Variants in IL1RAPL1 observed in about 807,000 individuals in gnomAD.
The protein encoded by IL1RAPL1 is interleukin 1 receptor accessory protein like 1.
Under a neutral mutation model 48.4 loss-of-function variants are expected in IL1RAPL1, and 3 were observed. That is an observed-to-expected ratio of 0.06 (90% CI 0.03 to 0.16). The LOEUF (loss-of-function observed/expected upper bound fraction) is 0.16, where lower values mean the gene tolerates loss of function less well. Ranked by LOEUF, IL1RAPL1 falls within the 10% of genes least tolerant of loss-of-function variation. The probability of loss-of-function intolerance (pLI) is 1.00; values close to 1 mark genes in which losing one functional copy is unlikely to be tolerated. For synonymous variants in IL1RAPL1, 185 were observed against 187.7 expected (o/e 0.99, Z 0.12); for missense variants, 349 against 530.6 (o/e 0.66, Z 3.36).
At chrX:29,725,080 C>G (rs1158998056) in intron 6 of IL1RAPL1, among the ~76,000 whole-genome samples, 1 of 110,257 alleles carries the variant, frequency 9.1e-6, no homozygotes, top group African/African-American at 3.3e-5. Context: ...GTACTGGAGA[C>G]ACAGTTCGTT....
At chrX:28,907,159 G>T (rs1394127417) in intron 2 of IL1RAPL1, among the ~76,000 whole-genome samples, 1 of 111,627 alleles carries the variant, frequency 9.0e-6, no homozygotes, top group African/African-American at 3.3e-5. Context: ...GCTGGATTCT[G>T]CCAAGTCTTT....
At chrX:29,245,691 G>A (rs1376324907) in intron 2 of IL1RAPL1, among the ~76,000 whole-genome samples, 2 of 111,843 alleles carry the variant, frequency 1.8e-5, no homozygotes, top group Middle Eastern at 4.2e-3. Flanking sequence ...TTGTCAGATG[G>A]ATAGATTGCA....
chrX:29,802,872 T>C (rs190188982), intron 6 of IL1RAPL1, among the ~76,000 whole-genome samples: 10 of 89,863 alleles, frequency 1.1e-4, no homozygotes, highest in South Asian at 5.0e-4. Flanking sequence ...TACATATGTA[T>C]ACATATATGT....
chrX:29,396,787 A>G (rs1173024603), intron 4 of IL1RAPL1, among the ~76,000 whole-genome samples: 1 of 111,911 alleles, frequency 8.9e-6, no homozygotes, highest in Non-Finnish European at 1.9e-5. Flanking sequence ...TAGCATTTCA[A>G]AGTGTCCCCA....
chrX:29,364,357 G>A (rs1418801867), intron 3 of IL1RAPL1, among the ~76,000 whole-genome samples: 1 of 108,895 alleles, frequency 9.2e-6, no homozygotes, highest in East Asian at 2.9e-4. Flanking sequence ...CCAGGATTTC[G>A]AGACCAGCCT....
chrX:29,908,005 TAGAGAATA>T (rs1243230614), intron 6 of IL1RAPL1, among the ~76,000 whole-genome samples: 1 of 111,316 alleles, frequency 9.0e-6, no homozygotes, highest in Non-Finnish European at 1.9e-5. Context: ...CAGTGTCTCT[TAGAGAATA>T]AGATTAAAAA....
chrX:28,805,701 A>G (rs780927111), intron 2 of IL1RAPL1, among the ~76,000 whole-genome samples: 1 of 111,463 alleles, frequency 9.0e-6, no homozygotes, highest in African/African-American at 3.3e-5. Context: ...ACACACTTGT[A>G]TTGCAGCTTT....
intron 5 of IL1RAPL1, among the ~76,000 whole-genome samples, chrX:29,519,271 A>G (rs1161562903): frequency 9.0e-6 from 1 of 111,705 alleles, no homozygotes; most frequent in Non-Finnish European, 1.9e-5. Context: ...GGACCGTGCG[A>G]GAGGTCCAAA....
intron 2 of IL1RAPL1, among the ~76,000 whole-genome samples, chrX:29,201,251 A>G (rs1930548769): frequency 8.9e-6 from 1 of 111,746 alleles, no homozygotes; most frequent in Non-Finnish European, 1.9e-5. Flanking sequence ...TTAGCCAAAT[A>G]TTTGCATAGT....
At chrX:29,173,032 T>C (rs746472847) in intron 2 of IL1RAPL1, among the ~76,000 whole-genome samples, 9 of 111,306 alleles carry the variant, frequency 8.1e-5, no homozygotes, top group Non-Finnish European at 1.3e-4. Context: ...AACCAAATTA[T>C]GGTTGTTTTT....
At chrX:29,039,644 A>T (rs1926800195) in intron 2 of IL1RAPL1, among the ~76,000 whole-genome samples, 1 of 110,260 alleles carries the variant, frequency 9.1e-6, no homozygotes, top group African/African-American at 3.3e-5. Flanking sequence ...CACTAGTGGA[A>T]ATCGCCCACT....
At position 28,732,501 on chromosome X, in the gene IL1RAPL1, T is replaced by A. The variant is rs945378342; in HGVS notation, c.-24-56819T>A. On this transcript the variant is annotated intron_variant, in intron 1 of 10. Coordinates refer to ENST00000378993, the MANE Select transcript of IL1RAPL1 (RefSeq NM_014271.4). Reference sequence around the variant, plus strand: ...AGGGCTTTTTAAAAGATAAGAATAATGAACGTGAAAGGGATTTTATAAAAA... The same window carrying A: ...AGGGCTTTTTAAAAGATAAGAATAAAGAACGTGAAAGGGATTTTATAAAAA... Among the ~76,000 whole-genome samples the A allele has an allele frequency of 5.4e-5, 6 of 112,047 alleles. No homozygotes were observed. The Admixed American group carries it at 5.7e-4, about 11-fold the overall frequency.
chrX:29,510,162 C>A (rs781390156), intron 5 of IL1RAPL1, among the ~76,000 whole-genome samples: 56 of 111,872 alleles, frequency 5.0e-4, no homozygotes, highest in Non-Finnish European at 9.4e-4. Context: ...TACAATAGCA[C>A]CTAAGGAAAT....
At chrX:29,335,238 C>G (rs191608157) in intron 3 of IL1RAPL1, among the ~76,000 whole-genome samples, 37 of 73,602 alleles carry the variant, frequency 5.0e-4, no homozygotes, top group Non-Finnish European at 7.4e-4. Context: ...GGCTCGGCAT[C>G]AGAGGGAGAC....
intron 3 of IL1RAPL1, among the ~76,000 whole-genome samples, chrX:29,335,232 C>G (rs12013787): frequency 1.6e-5 from 1 of 62,369 alleles, no homozygotes; most frequent in South Asian, 8.3e-4. Flanking sequence ...AGCTTTGGCT[C>G]GGCATCAGAG....
chrX:29,728,032 G>C (rs1927821493), intron 6 of IL1RAPL1, among the ~76,000 whole-genome samples: 1 of 110,643 alleles, frequency 9.0e-6, no homozygotes, highest in Non-Finnish European at 1.9e-5. Flanking sequence ...CCGCCTCCCG[G>C]GTTCACGCCA....
At chrX:29,351,114 G>T (rs1392826994) in intron 3 of IL1RAPL1, among the ~76,000 whole-genome samples, 1 of 111,794 alleles carries the variant, frequency 8.9e-6, no homozygotes, top group Non-Finnish European at 1.9e-5. Flanking sequence ...TTACATTTAG[G>T]ATAGTGTGCT....
chrX:29,670,037 T>C (rs1306006091), intron 6 of IL1RAPL1, among the ~76,000 whole-genome samples: 1 of 111,837 alleles, frequency 8.9e-6, no homozygotes. Flanking sequence ...TACCAGTTAC[T>C]ATAATGAACA....
At chrX:29,945,910 TTTA>T (rs1331181037) in intron 9 of IL1RAPL1, among the ~76,000 whole-genome samples, 1 of 111,231 alleles carries the variant, frequency 9.0e-6, no homozygotes, top group Non-Finnish European at 1.9e-5. Context: ...AACCTTACAT[TTTA>T]TTATCTCCCC....
Sources: allele counts gnomAD v4.1 joint callset (sites outside exome capture counted in the v4.1 genomes callset), GRCh38; gene constraint gnomAD v4.1.1; transcripts MANE v1.5; gene names NCBI Gene and HGNC (gene_info 2026-07-23, HGNC 2026-07-21).